The following SLC1A6 variants were observed in gnomAD, a reference collection of about 807,000 sequenced individuals.
SLC1A6 encodes excitatory amino acid transporter 4.
Under a neutral mutation model 42.1 loss-of-function variants are expected in SLC1A6, and 15 were observed. The observed-to-expected ratio is 0.36, with a 90% CI of 0.24 to 0.55. The LOEUF is 0.55. Ranked by LOEUF, SLC1A6 falls within the 20% of genes least tolerant of loss-of-function variation. The pLI, the probability that SLC1A6 is intolerant of heterozygous loss-of-function variation, is 0.88. For missense variants in SLC1A6, 542 were observed against 772.5 expected (o/e 0.70, Z 3.54); for synonymous variants, 317 against 319.7 (o/e 0.99, Z 0.09).
intron 1 of SLC1A6, among the ~76,000 whole-genome samples, chr19:14,992,139 A>G (rs1290360085): frequency 6.6e-6 from 1 of 152,176 alleles, no homozygotes; most frequent in African/African-American, 2.4e-5. Flanking sequence ...TCTGCTTTTC[A>G]GGCTCCTGTG....
At chr19:15,006,952 GA>G (rs926805255) in intron 1 of SLC1A6, among the ~76,000 whole-genome samples, 1 of 151,770 alleles carries the variant, frequency 6.6e-6, no homozygotes, top group Non-Finnish European at 1.5e-5. Flanking sequence ...GATCCTGTCT[GA>G]AAAAATAAAA....
chr19:14,979,050 TCACACACA>T lies in SLC1A6; in HGVS notation c.-8+251_-8+258del, dbSNP rs56317513. On this transcript the variant is annotated intron_variant, in intron 1 of 9. Transcript: ENST00000594383. The surrounding 1 kb of genome is among the most constrained non-coding windows in gnomAD (Gnocchi z 4.2). Reference sequence around the variant, plus strand: ...CAAATTCAGTCTCTCTCTCTCTCTGTCACACACACACACACACACACACACACACACAC... The same window carrying T: ...CAAATTCAGTCTCTCTCTCTCTCTGTCACACACACACACACACACACACAC... 0.062 allele frequency among the ~76,000 whole-genome samples: 8,130 copies of T among 131,320 alleles called. 392 individuals carry two copies. Among genetic ancestry groups the T allele is most frequent in the African/African-American group, 0.12 (4,299 of 35,194 alleles). 86.2% of individuals were successfully genotyped at this position (131,320 alleles called of 152,430 possible). A position where few individuals can be genotyped will look rare whatever the true frequency, so the allele number is the denominator to read the frequency against.
intron 1 of SLC1A6, among the ~76,000 whole-genome samples, chr19:15,004,807 G>C (rs963997366): frequency 6.6e-6 from 1 of 152,196 alleles, no homozygotes; most frequent in African/African-American, 2.4e-5. Context: ...GTTTAAGAGA[G>C]GTATTTAGGC....
chr19:14,980,798 A>G (rs1455433459), upstream of SLC1A6, among the ~76,000 whole-genome samples: 1 of 152,088 alleles, frequency 6.6e-6, no homozygotes, highest in Admixed American at 6.5e-5. Context: ...TATAAAGTAT[A>G]TATCACTTCC....
chr19:14,981,019 A>G (rs2045764107), upstream of SLC1A6, among the ~76,000 whole-genome samples: 1 of 152,144 alleles, frequency 6.6e-6, no homozygotes, highest in African/African-American at 2.4e-5. Context: ...CCAGCCTGAC[A>G]TAGTGGCCCA....
At chr19:14,998,647 A>G (rs529043624) in intron 1 of SLC1A6, among the ~76,000 whole-genome samples, 155 of 152,282 alleles carry the variant, frequency 1.0e-3, no homozygotes, top group African/African-American at 3.5e-3. Flanking sequence ...TTAGTATAGC[A>G]TCACATGACA....
At chr19:14,955,312 G>GT (rs2045451630) in intron 7 of SLC1A6, among the ~76,000 whole-genome samples, 1 of 152,156 alleles carries the variant, frequency 6.6e-6, no homozygotes, top group Admixed American at 6.5e-5. Context: ...AGGTGCAGTG[G>GT]TTCGTGCCTG....
intron 1 of SLC1A6, among the ~76,000 whole-genome samples, chr19:14,998,032 G>T (rs528374623): frequency 2.2e-4 from 33 of 150,154 alleles, no homozygotes; most frequent in African/African-American, 6.9e-4. Flanking sequence ...TATGCACTAT[G>T]GAATGAATAA....
chr19:15,002,268 T>C (rs1436587710), intron 1 of SLC1A6, among the ~76,000 whole-genome samples: 1 of 151,948 alleles, frequency 6.6e-6, no homozygotes, highest in Non-Finnish European at 1.5e-5. Context: ...TTTTGTTTTG[T>C]TTGGTTTGGT....
At chr19:15,003,621 T>C (rs961578894) in intron 1 of SLC1A6, among the ~76,000 whole-genome samples, 1 of 140,468 alleles carries the variant, frequency 7.1e-6, no homozygotes, top group African/African-American at 2.7e-5. Context: ...GATAATTACC[T>C]GCCAAGATTT....
intron 9 of SLC1A6, among the ~76,000 whole-genome samples, chr19:14,951,253 C>CAAAAAAAA (rs1164185118): frequency 2.0e-4 from 17 of 86,848 alleles, no homozygotes; most frequent in East Asian, 4.1e-4. Context: ...CTCTGTCTCA[C>CAAAAAAAA]AAAAAAAAAA....
intron 8 of SLC1A6, 82 bp from the exon 9 acceptor site, chr19:14,953,144 G>C (rs1725427290): frequency 9.3e-7 from 1 of 1,071,150 alleles, no homozygotes; most frequent in African/African-American, 1.6e-5. Flanking sequence ...AGAGAGAAGG[G>C]AAGAGATCAG....
chr19:14,967,419 C>T (rs1467505752), intron 4 of SLC1A6, among the ~76,000 whole-genome samples: 1 of 152,154 alleles, frequency 6.6e-6, no homozygotes, highest in Admixed American at 6.6e-5. Context: ...GCCAAGTGGA[C>T]CCCAGAACAA....
At chr19:14,958,778 A>C (rs1279404265) in intron 6 of SLC1A6, among the ~76,000 whole-genome samples, 4 of 152,172 alleles carry the variant, frequency 2.6e-5, no homozygotes, top group Non-Finnish European at 5.9e-5. Context: ...CATTTCACCC[A>C]ATCATGCCAA....
chr19:15,000,793 C>T (rs1948568819), intron 1 of SLC1A6, among the ~76,000 whole-genome samples: 1 of 152,176 alleles, frequency 6.6e-6, no homozygotes, highest in African/African-American at 2.4e-5. Context: ...ATAAGGACAC[C>T]AGTAGGATCC....
intron 8 of SLC1A6, 75 bp from the exon 9 acceptor site, chr19:14,953,137 G>A: frequency 4.4e-6 from 5 of 1,133,360 alleles, no homozygotes; most frequent in South Asian, 1.4e-5. Context: ...AAAGGACAGA[G>A]AGAAGGGAAG....
At chr19:14,965,380 G>T (rs945281052) in intron 4 of SLC1A6, among the ~76,000 whole-genome samples, 1 of 152,092 alleles carries the variant, frequency 6.6e-6, no homozygotes, top group Admixed American at 6.6e-5. Context: ...CCACTACTGG[G>T]TATCTACTCA....
intron 1 of SLC1A6, among the ~76,000 whole-genome samples, chr19:15,003,753 C>T (rs183301987): frequency 3.3e-5 from 5 of 152,020 alleles, no homozygotes; most frequent in African/African-American, 4.8e-5. Context: ...CACTCGATTT[C>T]GCCCAAAAGC....
intron 1 of SLC1A6, chr19:14,973,703 G>GCCAGCTGCATA: frequency 6.5e-6 from 1 of 152,696 alleles, no homozygotes; most frequent in South Asian, 2.1e-4. Flanking sequence ...TTTGTGAAGT[G>GCCAGCTGCATA]CCAGCTGCAT....
Sources: allele counts gnomAD v4.1 joint callset (sites outside exome capture counted in the v4.1 genomes callset), GRCh38; gene constraint gnomAD v4.1.1; non-coding constraint Gnocchi (gnomAD v3.1); transcripts MANE v1.5; gene names NCBI Gene and HGNC (gene_info 2026-07-23, HGNC 2026-07-21).